Variants in ASIP observed in about 807,000 individuals in gnomAD.
ASIP encodes the protein agouti signaling protein, also known as agouti-signaling protein.
A neutral mutation model predicts 10.3 loss-of-function variants in ASIP; 11 were observed. That is an observed-to-expected ratio of 1.07 (90% CI 0.68 to 1.78). The LOEUF is 1.78. Among genes scored for constraint, ASIP ranks in the 40% most tolerant of loss-of-function variants. The pLI is 0.00. For missense variants in ASIP, 180 were observed against 169.2 expected (o/e 1.06, Z -0.35); for synonymous variants, 70 against 70.8 (o/e 0.99, Z 0.06).
At position 34,200,948 on chromosome 20, in the gene ASIP, TTTTC is replaced by T. The variant is rs1180213511; in HGVS notation, c.-11+6209_-11+6212del. The stretch of plus-strand genomic sequence containing the variant: ...AGTGTTAGCTGTGTTTCAAACTTGA[TTTTC>T]TTTCTTTCTTTCTTTCTTTCCTTCC... On this transcript the variant is annotated intron_variant, in intron 1 of 3. Transcript: ENST00000568305. 1.9e-3 allele frequency among the ~76,000 whole-genome samples: 261 copies of T among 140,878 alleles called. 2 individuals carry two copies. Among genetic ancestry groups the T allele is most frequent in the South Asian group, 4.1e-3 (18 of 4,414 alleles). 92.4% of individuals were successfully genotyped at this position (140,878 alleles called of 152,430 possible). A position where few individuals can be genotyped will look rare whatever the true frequency, so the allele number is the denominator to read the frequency against.
chr20:34,254,762 C>T (rs1048904781), intron 1 of ASIP, among the ~76,000 whole-genome samples: 1 of 152,146 alleles, frequency 6.6e-6, no homozygotes, highest in African/African-American at 2.4e-5. Flanking sequence ...AAACATCTGA[C>T]CCCAAGAATC....
chr20:34,192,153 C>T (rs539801715), upstream of ASIP, among the ~76,000 whole-genome samples: 3 of 152,326 alleles, frequency 2.0e-5, no homozygotes. Context: ...TCTTCTGCCT[C>T]AGCCTCCCAA....
At chr20:34,195,231 G>A (rs186212198) in intron 1 of ASIP, among the ~76,000 whole-genome samples, 11 of 152,154 alleles carry the variant, frequency 7.2e-5, no homozygotes, top group African/African-American at 2.7e-4. Flanking sequence ...TGCTCCTCAT[G>A]GAAGGAGCAG....
chr20:34,214,063 A>C (rs1431850609), intron 1 of ASIP: 2 of 1,254,262 alleles, frequency 1.6e-6, no homozygotes, highest in East Asian at 4.6e-5. Flanking sequence ...AACAATCATC[A>C]CTCCAACTGT....
At chr20:34,190,414 G>A (rs751031170), upstream of ASIP, among the ~76,000 whole-genome samples, 9 of 152,118 alleles carry the variant, frequency 5.9e-5, no homozygotes, top group Non-Finnish European at 1.0e-4. Context: ...GTAGTCCTTG[G>A]AACTCAGCCC....
intron 1 of ASIP, chr20:34,216,036 C>T: frequency 3.2e-6 from 2 of 633,960 alleles, no homozygotes; most frequent in Non-Finnish European, 5.7e-6. Context: ...AGCCGAGCGG[C>T]GCAGCTCGCA....
chr20:34,201,046 TTCTTTCTTTCTTTC>T (rs1432249724), intron 1 of ASIP, among the ~76,000 whole-genome samples: 75 of 111,658 alleles, frequency 6.7e-4, no homozygotes, highest in Non-Finnish European at 1.0e-3. Context: ...CTTTCTTTCT[TTCTTTCTTTCTTTC>T]TTTTTTTTCC....
At chr20:34,209,111 G>A (rs1280687539) in intron 1 of ASIP, among the ~76,000 whole-genome samples, 2 of 152,168 alleles carry the variant, frequency 1.3e-5, no homozygotes, top group African/African-American at 4.8e-5. Context: ...TCTTTCTTTT[G>A]TATAGTTGCT....
At chr20:34,200,735 C>T (rs748794749) in intron 1 of ASIP, among the ~76,000 whole-genome samples, 3 of 152,182 alleles carry the variant, frequency 2.0e-5, no homozygotes, top group Non-Finnish European at 4.4e-5. Flanking sequence ...CACTTACTAG[C>T]AACCTAAGAA....
At chr20:34,251,340 G>A (rs780082338) in intron 1 of ASIP, among the ~76,000 whole-genome samples, 7 of 151,208 alleles carry the variant, frequency 4.6e-5, no homozygotes, top group Admixed American at 6.6e-5. Flanking sequence ...GCGTGATGTC[G>A]GCTCACTGCA....
chr20:34,264,789 AT>A (rs34382186), intron 3 of ASIP, among the ~76,000 whole-genome samples: 138 of 104,206 alleles, frequency 1.3e-3, no homozygotes, highest in East Asian at 3.9e-3. Context: ...AGTTTACTTC[AT>A]TTTTTTTTTT....
rs1354498991 is a variant in ASIP at position 34,264,333 on chromosome 20, G to A, written c.222+1440G>A. 1.3e-5 allele frequency among the ~76,000 whole-genome samples: 2 copies of A among 152,206 alleles called. 1 individual carries two copies. The highest frequency in any genetic ancestry group is 2.9e-5 in the Non-Finnish European group (2 of 68,032). ...TGCCATTGCGGCATGCTCAGGTGTT[G>A]CGAGTACGTGCTTACAACGCTCTGT... On this transcript the variant is annotated intron_variant, in intron 3 of 3. Coordinates refer to ENST00000374954, the MANE Select transcript of ASIP (RefSeq NM_001672.3).
In ASIP at chr20:34,258,778, A is replaced by T. The variant is rs200383935; in HGVS notation, c.-10-1587A>T. Among the ~76,000 whole-genome samples the T allele has an allele frequency of 5.1e-4, 51 of 100,966 alleles. 1 individual carries two copies. The East Asian group carries it at 0.014, about 28-fold the overall frequency. The allele number at this position is 100,966 out of a possible 152,430, so 66.2% of individuals were successfully genotyped here. A position where few individuals can be genotyped will look rare whatever the true frequency, so the allele number is the denominator to read the frequency against. On this transcript the variant is annotated intron_variant, in intron 1 of 3. Transcript: ENST00000374954. ...AATATATGATATATATAATATATAT[A>T]GTATATATATAGTGTATATATAATA...
At chr20:34,197,322 C>T (rs1318250502) in intron 1 of ASIP, among the ~76,000 whole-genome samples, 1 of 152,140 alleles carries the variant, frequency 6.6e-6, no homozygotes, top group East Asian at 1.9e-4. Context: ...GATCGTGCCA[C>T]TGCACTCTAG....
rs1002346613 is a variant in ASIP at position 34,251,086 on chromosome 20, T to G, written c.-10-9279T>G. On this transcript the variant is annotated intron_variant, in intron 1 of 3. Coordinates refer to ENST00000374954, the MANE Select transcript of ASIP (RefSeq NM_001672.3). ...CTGGACCTGTACAAACCCTCATTGCTGTTACTACTCATGAGGAACACACTC... is the reference window on the plus strand; with the variant it reads ...CTGGACCTGTACAAACCCTCATTGCGGTTACTACTCATGAGGAACACACTC... Among the ~76,000 whole-genome samples the G allele has an allele frequency of 2.0e-5, 3 of 152,178 alleles. No individual in the cohort carries two copies. In the East Asian group the frequency reaches 5.8e-4, roughly 29 times the overall value.
chr20:34,213,437 G>T, intron 1 of ASIP: 1 of 949,458 alleles, frequency 1.1e-6, no homozygotes, highest in Non-Finnish European at 1.6e-6. Context: ...AGTGGCTTTG[G>T]AATTGAGTCA....
intron 1 of ASIP, chr20:34,246,652 T>A (rs1237441906): frequency 1.9e-6 from 1 of 529,050 alleles, no homozygotes; most frequent in African/African-American, 1.9e-5. Context: ...GAGATGGGGT[T>A]TCGCCATGTT....
intron 1 of ASIP, among the ~76,000 whole-genome samples, chr20:34,244,460 A>G (rs1395122872): frequency 2.0e-5 from 3 of 152,198 alleles, no homozygotes; most frequent in Non-Finnish European, 4.4e-5. Flanking sequence ...AATGTCTAAA[A>G]TGTGTCTGAG....
At chr20:34,217,306 T>C (rs551072652) in intron 1 of ASIP, among the ~76,000 whole-genome samples, 6 of 151,400 alleles carry the variant, frequency 4.0e-5, no homozygotes, top group Admixed American at 2.0e-4. Flanking sequence ...GGCGTGGTGG[T>C]GGGTGCCTGT....
Sources: allele counts gnomAD v4.1 joint callset (sites outside exome capture counted in the v4.1 genomes callset), GRCh38; gene constraint gnomAD v4.1.1; transcripts MANE v1.5; gene names NCBI Gene and HGNC (gene_info 2026-07-23, HGNC 2026-07-21).